The following ZFP2 variants were observed in gnomAD, a reference collection of about 807,000 sequenced individuals.
The protein encoded by ZFP2 is zinc finger protein ZFP2.
ZFP2 carries 33 observed loss-of-function variants against 36.1 expected under a neutral mutation model. The observed-to-expected ratio is 0.92, with a 90% CI of 0.69 to 1.22. The LOEUF (loss-of-function observed/expected upper bound fraction) is 1.22, where lower values mean the gene tolerates loss of function less well. ZFP2 is among the 50% of genes most tolerant of loss of function. The pLI, the probability that ZFP2 is intolerant of heterozygous loss-of-function variation, is 0.00. For synonymous variants in ZFP2, 170 were observed against 178.0 expected, an observed-to-expected ratio of 0.96 and a Z score of 0.36; for missense variants, 522 against 551.4, an observed-to-expected ratio of 0.95 and a Z score of 0.53.
At chr5:178,919,832 ATGC>A (rs1342188039) in intron 4 of ZFP2, among the ~76,000 whole-genome samples, 1 of 152,064 alleles carries the variant, frequency 6.6e-6, no homozygotes, top group Non-Finnish European at 1.5e-5. Flanking sequence ...GTGGTAGTGC[ATGC>A]CTGTAGTCCC....
intron 1 of ZFP2, among the ~76,000 whole-genome samples, chr5:178,897,827 G>T (rs997653295): frequency 6.6e-6 from 1 of 152,146 alleles, no homozygotes; most frequent in African/African-American, 2.4e-5. Flanking sequence ...CTAGTATACA[G>T]TAGGTGGTCA....
intron 1 of ZFP2, chr5:178,909,886 A>G (rs1758253487): frequency 6.4e-7 from 1 of 1,568,248 alleles, no homozygotes; most frequent in Non-Finnish European, 8.7e-7. Context: ...AAGTTAAGGA[A>G]CATGTTCCAA....
chr5:178,898,190 TG>T (rs1296736077), intron 1 of ZFP2, among the ~76,000 whole-genome samples: 9 of 152,220 alleles, frequency 5.9e-5, no homozygotes, highest in African/African-American at 1.7e-4. Flanking sequence ...TTTGCCATTT[TG>T]GCCAGGCTGG....
intron 1 of ZFP2, among the ~76,000 whole-genome samples, chr5:178,901,550 C>T (rs1343194343): frequency 1.3e-5 from 2 of 152,162 alleles, no homozygotes; most frequent in African/African-American, 4.8e-5. Flanking sequence ...CGCTCTAATC[C>T]TTACCTCCTT....
intron 1 of ZFP2, among the ~76,000 whole-genome samples, chr5:178,908,076 A>G (rs1199106246): frequency 6.6e-6 from 1 of 152,226 alleles, no homozygotes; most frequent in African/African-American, 2.4e-5. Context: ...TTGGCTCTCC[A>G]AGAGCTCTAA....
intron 1 of ZFP2, among the ~76,000 whole-genome samples, chr5:178,907,077 T>C (rs935631605): frequency 1.3e-5 from 2 of 152,084 alleles, no homozygotes; most frequent in African/African-American, 4.8e-5. Flanking sequence ...TGAGGCAGTC[T>C]GGCCAAAGCT....
rs769248284 is a variant in ZFP2 at position 178,931,959 on chromosome 5, T to C, written c.646T>C (p.Cys216Arg). Residue 216 changes from cysteine (C) to arginine (R), a missense_variant, in exon 5 of 5, where the codon TGT becomes CGT. Transcript: ENST00000361362. ...RIHTGEKPYK[C>R]NECGKAFTQS... ...TCATACTGGAGAGAAACCCTACAAA[T>C]GTAATGAATGTGGTAAAGCTTTTAC... 6.2e-7 allele frequency: 1 copy of C among 1,613,962 alleles called. No individual in the cohort carries two copies.
chr5:178,925,180 T>C lies in ZFP2; in HGVS notation c.-77-6057T>C, dbSNP rs1201085414. On this transcript the variant is annotated intron_variant, in intron 4 of 4. Coordinates refer to ENST00000361362, the MANE Select transcript of ZFP2 (RefSeq NM_030613.4). ...ATATACACATATATACATATACATA[T>C]ATATTATGTGCCTTTGCTTATTCAT... is the stretch of plus-strand genomic sequence containing the variant. Among the ~76,000 whole-genome samples the C allele has an allele frequency of 6.1e-5, 9 of 147,554 alleles. No homozygotes were observed. The East Asian group carries it at 1.7e-3, about 28-fold the overall frequency.
chr5:178,896,344 C>A (rs1442724693), intron 1 of ZFP2, among the ~76,000 whole-genome samples: 1 of 152,206 alleles, frequency 6.6e-6, no homozygotes, highest in African/African-American at 2.4e-5. Flanking sequence ...TCGCTCGGAC[C>A]CGGGTTCCTC....
At chr5:178,916,356 A>T (rs1465875660) in intron 3 of ZFP2, among the ~76,000 whole-genome samples, 1 of 152,236 alleles carries the variant, frequency 6.6e-6, no homozygotes, top group African/African-American at 2.4e-5. Flanking sequence ...TGTCGTTTCA[A>T]CAAGGCCAGC....
chr5:178,931,144 A>G (rs1336709370), intron 4 of ZFP2, 93 bp from the exon 5 acceptor site: 4 of 1,325,872 alleles, frequency 3.0e-6, no homozygotes, highest in Non-Finnish European at 3.0e-6. Flanking sequence ...ATTTTAGTTG[A>G]TAGCTAGTTT....
chr5:178,922,524 G>C lies in ZFP2; in HGVS notation c.-78+5814G>C, dbSNP rs918682109. On this transcript the variant is annotated intron_variant, in intron 4 of 4. Coordinates refer to ENST00000361362, the MANE Select transcript of ZFP2 (RefSeq NM_030613.4). ...GGAGTTACATCCATATGGGAGAATAGTCTCCAGATCACTGCAATGTCTAGT... is the reference window on the plus strand; with the variant it reads ...GGAGTTACATCCATATGGGAGAATACTCTCCAGATCACTGCAATGTCTAGT... 3 of 1,390,056 alleles carry C rather than the reference G, an allele frequency of 2.2e-6. 1 individual carries two copies. Among genetic ancestry groups the C allele is most frequent in the Non-Finnish European group, 3.1e-6 (3 of 975,276 alleles). 86.1% of individuals were successfully genotyped at this position (1,390,056 alleles called of 1,614,324 possible).
chr5:178,931,623 T>A lies in ZFP2; in HGVS notation c.310T>A (p.Cys104Ser). The A allele has an allele frequency of 6.2e-7, 1 of 1,614,182 alleles. No individual in the cohort carries two copies. Among genetic ancestry groups the A allele is most frequent in the Non-Finnish European group, 8.5e-7 (1 of 1,180,030 alleles). Residue 104 changes from cysteine to serine, a missense_variant, in exon 5 of 5, where the codon TGT becomes AGT. Physicochemically the swap from Cys to Ser is moderately radical, Grantham distance 112. Transcript: ENST00000361362. ...GTTTGTAGGAAAGAAGATCTATGAA[T>A]GTAATCAGTGCAGCAAAACCTTCAG... ...RMFVGKKIYE[C>S]NQCSKTFSQS...
In ZFP2 at chr5:178,932,758, C is replaced by T. The variant is rs1758876911; in HGVS notation, c.*59C>T. The T allele has an allele frequency of 2.0e-6, 3 of 1,510,988 alleles. No homozygotes were observed. Among genetic ancestry groups the T allele is most frequent in the South Asian group, 2.8e-5 (2 of 72,518 alleles). The allele number at this position is 1,510,988 out of a possible 1,614,324, so 93.6% of individuals were successfully genotyped here. A position where few individuals can be genotyped will look rare whatever the true frequency, so the allele number is the denominator to read the frequency against. On this transcript the variant is annotated 3_prime_UTR_variant, in exon 5 of 5. Coordinates refer to ENST00000361362, the MANE Select transcript of ZFP2 (RefSeq NM_030613.4). ...ACTCTTCAGTAATAATCATATGAGA[C>T]ATACAATGTAGAAACCTAATAAATG...
chr5:178,897,759 C>T (rs1184327125), intron 1 of ZFP2, among the ~76,000 whole-genome samples: 2 of 152,024 alleles, frequency 1.3e-5, no homozygotes, highest in East Asian at 1.9e-4. Flanking sequence ...TCCATGATTG[C>T]GGAGAGTTTA....
At chr5:178,909,842 G>C (rs1321115890) in intron 1 of ZFP2, 7 of 1,588,494 alleles carry the variant, frequency 4.4e-6, no homozygotes, top group Non-Finnish European at 6.0e-6. Context: ...CATCTTCACT[G>C]TGGTTGCTGA....
At chr5:178,928,989 C>T (rs927943000) in intron 4 of ZFP2, among the ~76,000 whole-genome samples, 2 of 152,238 alleles carry the variant, frequency 1.3e-5, no homozygotes, top group Non-Finnish European at 2.9e-5. Flanking sequence ...ATCAAAGCTG[C>T]CAAGGCTTAC....
At chr5:178,899,896 T>C (rs1758020203) in intron 1 of ZFP2, among the ~76,000 whole-genome samples, 1 of 152,150 alleles carries the variant, frequency 6.6e-6, no homozygotes. Context: ...GGATCACTTG[T>C]TTATTTATTA....
intron 3 of ZFP2, chr5:178,915,817 A>G (rs1024841787): frequency 1.3e-5 from 2 of 152,222 alleles, no homozygotes; most frequent in East Asian, 1.9e-4. Flanking sequence ...GCAGCGGAGC[A>G]ATACCCACTA....
Sources: gnomAD v4.1 joint callset for allele counts (sites outside exome capture counted in the v4.1 genomes callset) on GRCh38, gnomAD v4.1.1 for gene constraint, MANE v1.5 for transcripts, NCBI Gene and HGNC (gene_info 2026-07-23, HGNC 2026-07-21) for gene names.